CACNA1D: variants seen among roughly 807,000 people sequenced by gnomAD.
CACNA1D encodes calcium voltage-gated channel subunit alpha1 D, also known as voltage-dependent L-type calcium channel subunit alpha-1D.
CACNA1D carries 55 observed loss-of-function variants against 257.1 expected under a neutral mutation model. The ratio of observed to expected loss-of-function variants is 0.21; its 90% CI spans 0.17 to 0.27. CACNA1D has a LOEUF of 0.27. Among genes scored for constraint, CACNA1D ranks in the 10% least tolerant of loss-of-function variants. CACNA1D has a pLI of 1.00. For missense variants in CACNA1D, 1,876 were observed against 2,784.0 expected (o/e 0.67, Z 7.34); for synonymous variants, 980 against 1,014.9 (o/e 0.97, Z 0.65).
chr3:53,692,284 C>T (rs201628987), intron 8 of CACNA1D, among the ~76,000 whole-genome samples: 3 of 152,102 alleles, frequency 2.0e-5, no homozygotes, highest in South Asian at 2.1e-4. Flanking sequence ...TCTGCAAAAG[C>T]GGAGTTCTAA....
chr3:53,677,932 G>A (rs1294498740), intron 8 of CACNA1D, among the ~76,000 whole-genome samples: 2 of 152,144 alleles, frequency 1.3e-5, no homozygotes, highest in African/African-American at 4.8e-5. Context: ...GCAGCTTCGT[G>A]AAGTTCAGTG....
chr3:53,679,482 T>A (rs2094409000), intron 8 of CACNA1D: 1 of 151,996 alleles, frequency 6.6e-6, no homozygotes, highest in African/African-American at 2.4e-5. Flanking sequence ...TCGGCATGAT[T>A]TGTCACCATA....
chr3:53,607,392 A>T (rs1171176866), intron 3 of CACNA1D, among the ~76,000 whole-genome samples: 1 of 152,224 alleles, frequency 6.6e-6, no homozygotes, highest in Non-Finnish European at 1.5e-5. Flanking sequence ...TATCACATGG[A>T]CCCTTAAAAT....
chr3:53,749,296 G>A lies in CACNA1D; in HGVS notation c.3343G>A (p.Gly1115Arg), dbSNP rs139840431. 17 of 1,614,006 alleles carry A rather than the reference G, an allele frequency of 1.1e-5. No individual in the cohort carries two copies. The highest frequency in any genetic ancestry group is 1.4e-5 in the Non-Finnish European group (17 of 1,179,828). Residue 1115 changes from glycine (G) to arginine (R), a missense_variant, in exon 27 of 48, where the codon GGA becomes AGA. Gly to Arg is a moderately radical substitution (Grantham distance 125, BLOSUM62 -2). Coordinates refer to ENST00000350061, the MANE Select transcript of CACNA1D (RefSeq NM_001128840.3). ...ALLYKAIDSN[G>R]ENIGPIYNHR... ...GCTGTATAAAGCCATCGACTCGAATGGAGAGAACATCGGCCCAATCTACAA... is the reference window on the plus strand; with the variant it reads ...GCTGTATAAAGCCATCGACTCGAATAGAGAGAACATCGGCCCAATCTACAA...
chr3:53,542,746 A>G (rs2092325573), intron 3 of CACNA1D, among the ~76,000 whole-genome samples: 1 of 152,078 alleles, frequency 6.6e-6, no homozygotes, highest in African/African-American at 2.4e-5. Context: ...AATCAGTGCT[A>G]CTCAGGGGCT....
In CACNA1D at chr3:53,772,815, G is replaced by T. The variant is rs776839051; in HGVS notation, c.4045-18G>T. 1.9e-6 allele frequency: 3 copies of T among 1,612,142 alleles called. No homozygotes were observed. Among genetic ancestry groups the T allele is most frequent in the Non-Finnish European group, 1.7e-6 (2 of 1,178,282 alleles). The stretch of plus-strand genomic sequence containing the variant: ...GGACAGCCGGCTGGTGCTGAGCCAA[G>T]TGCCTTTTCTCTCCCAGGCGCTCCC... On this transcript the variant is annotated intron_variant, in intron 32 of 47. Coordinates refer to ENST00000350061, the MANE Select transcript of CACNA1D (RefSeq NM_001128840.3).
intron 5 of CACNA1D, 75 bp downstream of exon 5, chr3:53,660,350 C>A: frequency 6.9e-7 from 1 of 1,452,050 alleles, no homozygotes; most frequent in East Asian, 2.3e-5. Flanking sequence ...ATCACTGGTG[C>A]TTTGAGGTGA....
Position 53,803,558 on chromosome 3 carries a change from G to T in CACNA1D, c.5571G>T (p.Ser1857=), listed in dbSNP as rs760204394. Residue 1857 remains serine (S), a synonymous_variant, in exon 44 of 48, where the codon TCG becomes TCT. Transcript: ENST00000350061. The part of the protein sequence containing the change: ...SSEECYEDDS[S]PTWSRQNYGY... ...AGGAATGCTACGAGGATGACAGCTC[G>T]CCCACCTGGAGCAGGTGAGCTGCTC... The T allele has an allele frequency of 6.2e-7, 1 of 1,614,014 alleles. No homozygotes were observed.
intron 17 of CACNA1D, among the ~76,000 whole-genome samples, chr3:53,731,802 G>A (rs765209348): frequency 6.6e-6 from 1 of 152,190 alleles, no homozygotes; most frequent in South Asian, 2.1e-4. Flanking sequence ...ACCACGACTG[G>A]GTCAGGGTTC....
intron 39 of CACNA1D, chr3:53,782,264 G>GTGTATTA (rs6147823): frequency 1.3e-5 from 1 of 75,446 alleles, no homozygotes; most frequent in Non-Finnish European, 2.2e-5. Flanking sequence ...GTGTGTGTGT[G>GTGTATTA]TATATATATA....
intron 30 of CACNA1D, among the ~76,000 whole-genome samples, chr3:53,769,015 G>A (rs531562048): frequency 2.0e-5 from 3 of 152,354 alleles, no homozygotes; most frequent in African/African-American, 7.2e-5. Flanking sequence ...GCTGGCTCTG[G>A]TTCCGCTGAC....
At chr3:53,734,438 ATGTT>A (rs1051792394) in intron 19 of CACNA1D, among the ~76,000 whole-genome samples, 4 of 152,212 alleles carry the variant, frequency 2.6e-5, no homozygotes, top group African/African-American at 7.2e-5. Flanking sequence ...ATTTATGTGT[ATGTT>A]TTATATATAT....
intron 3 of CACNA1D, among the ~76,000 whole-genome samples, chr3:53,640,649 T>G (rs796734389): frequency 4.1e-4 from 63 of 152,358 alleles, no homozygotes; most frequent in African/African-American, 1.5e-3. Flanking sequence ...TCTCTGCTCT[T>G]GTACTTGGTT....
chr3:53,780,924 C>T (rs1401929300), intron 38 of CACNA1D, among the ~76,000 whole-genome samples: 1 of 152,168 alleles, frequency 6.6e-6, no homozygotes, highest in African/African-American at 2.4e-5. Flanking sequence ...TTCTTACAAC[C>T]CTAGAGCCCA....
Position 53,780,086 on chromosome 3 carries a change from C to T in CACNA1D, c.4648C>T (p.Leu1550=). Residue 1550 remains leucine (L), a synonymous_variant, in exon 38 of 48, where the codon CTG becomes TTG. Transcript: ENST00000350061. ...SDGTVMFNAT[L]FALVRTALKI... ...CGGGACAGTCATGTTTAATGCAACC[C>T]TGTTTGCTTTGGTTCGAACGGCTCT... 6.2e-7 allele frequency: 1 copy of T among 1,614,108 alleles called. No individual in the cohort carries two copies. Among genetic ancestry groups the T allele is most frequent in the Non-Finnish European group, 8.5e-7 (1 of 1,179,936 alleles).
rs1485404380 is a variant in CACNA1D at position 53,786,910 on chromosome 3, G to A, written c.4881G>A (p.Leu1627=). 6.2e-7 allele frequency: 1 copy of A among 1,614,030 alleles called. No individual in the cohort carries two copies. The highest frequency in any genetic ancestry group is 1.7e-5 in the Admixed American group (1 of 60,022). Residue 1627 remains leucine (L), a synonymous_variant, in exon 40 of 48, where the codon CTG becomes CTA. Transcript: ENST00000350061. ...RKFKKRKEQG[L]VGKYPAKNTT... ...TCAAGAAACGGAAAGAACAAGGACT[G>A]GTGGGAAAGTACCCTGCGAAGAACA... is the stretch of plus-strand genomic sequence containing the variant.
chr3:53,678,962 A>G (rs1431753067), intron 8 of CACNA1D: 1 of 152,054 alleles, frequency 6.6e-6, no homozygotes, highest in African/African-American at 2.4e-5. Context: ...ATTTTTCATG[A>G]CTGAGATTAG....
intron 30 of CACNA1D, among the ~76,000 whole-genome samples, chr3:53,769,751 C>G (rs1251695549): frequency 6.6e-6 from 1 of 152,206 alleles, no homozygotes; most frequent in Non-Finnish European, 1.5e-5. Flanking sequence ...CAGCATGTCC[C>G]CAGATGTGAA....
At chr3:53,640,155 C>T (rs188518044) in intron 3 of CACNA1D, among the ~76,000 whole-genome samples, 20 of 152,250 alleles carry the variant, frequency 1.3e-4, no homozygotes, top group Non-Finnish European at 2.9e-4. Flanking sequence ...AGCCACTGTG[C>T]CCAGCCACCA....
Sources: allele counts gnomAD v4.1 joint callset (sites outside exome capture counted in the v4.1 genomes callset), GRCh38; gene constraint gnomAD v4.1.1; transcripts MANE v1.5; gene names NCBI Gene and HGNC (gene_info 2026-07-23, HGNC 2026-07-21).